CSNK1G1: variants seen among roughly 807,000 people sequenced by gnomAD.
CSNK1G1 encodes casein kinase I isoform gamma-1.
In CSNK1G1, 22 loss-of-function variants were observed where a neutral mutation model predicts 59.6. That is an observed-to-expected ratio of 0.37 (90% CI 0.26 to 0.53). The LOEUF (loss-of-function observed/expected upper bound fraction) is 0.53. Among genes scored for constraint, CSNK1G1 ranks in the 20% least tolerant of loss-of-function variants. CSNK1G1 has a pLI of 0.89. For synonymous variants in CSNK1G1, 179 were observed against 177.1 expected (o/e 1.01, Z -0.08); for missense variants, 384 against 519.5 (o/e 0.74, Z 2.54).
intron 2 of CSNK1G1, among the ~76,000 whole-genome samples, chr15:64,277,655 A>G (rs1168183251): frequency 1.6e-5 from 2 of 124,072 alleles, no homozygotes; most frequent in South Asian, 2.5e-4. Flanking sequence ...TTAATAATAT[A>G]GCAATATTGA....
intron 10 of CSNK1G1, chr15:64,189,376 C>A: frequency 7.9e-7 from 1 of 1,264,104 alleles, no homozygotes; most frequent in Non-Finnish European, 1.0e-6. Context: ...TGATCTTGCT[C>A]ATATGTGACT....
intron 1 of CSNK1G1, among the ~76,000 whole-genome samples, chr15:64,347,477 ATGCTGGCTTGCACCTGT>A (rs1276506615): frequency 6.6e-6 from 1 of 151,748 alleles, no homozygotes; most frequent in Admixed American, 6.6e-5. Context: ...CCAACTGGGT[ATGCTGGCTTGCACCTGT>A]AGTCCAAGCT....
chr15:64,210,297 A>G lies in CSNK1G1; in HGVS notation c.680-2703T>C, dbSNP rs1046553107. ...TGTTCAATCTGGGGAGAATTTGAAA[A>G]GTCATTTTCCAGCTCTAAAATTCTA... On this transcript the variant is annotated intron_variant, in intron 6 of 11. Transcript: ENST00000303052. This position sits in a 1 kb window ranked among gnomAD's most constrained non-coding sequence, Gnocchi z 4.2. Among the ~76,000 whole-genome samples the G allele has an allele frequency of 6.6e-6, 1 of 152,198 alleles. No homozygotes were observed. The highest frequency in any genetic ancestry group is 1.5e-5 in the Non-Finnish European group (1 of 68,034).
intron 1 of CSNK1G1, among the ~76,000 whole-genome samples, chr15:64,332,456 T>C (rs1430499050): frequency 2.4e-5 from 3 of 125,838 alleles, no homozygotes; most frequent in Non-Finnish European, 5.0e-5. Context: ...TTCTCACTCA[T>C]AGGTGGGAAT....
At chr15:64,177,013 A>G (rs1043360687) in intron 11 of CSNK1G1, among the ~76,000 whole-genome samples, 1 of 152,204 alleles carries the variant, frequency 6.6e-6, no homozygotes, top group Non-Finnish European at 1.5e-5. Flanking sequence ...ACAAAAATCA[A>G]CCAAAAAGCT....
intron 1 of CSNK1G1, among the ~76,000 whole-genome samples, chr15:64,306,717 A>C (rs1417426648): frequency 2.0e-5 from 3 of 152,334 alleles, no homozygotes. Context: ...TTGTCAAAAA[A>C]TGAAAACACT....
rs62024252 is a variant in CSNK1G1 at position 64,166,206 on chromosome 15, A to C, written c.*5725T>G. 17,257 of 451,972 alleles carry C rather than the reference A, an allele frequency of 0.038. 1,907 individuals carry two copies. The highest frequency in any genetic ancestry group is 0.27 in the African/African-American group (13,415 of 49,468). 28.0% of individuals were successfully genotyped at this position (451,972 alleles called of 1,614,324 possible). On this transcript the variant is annotated 3_prime_UTR_variant, in exon 12 of 12. Coordinates refer to ENST00000303052, the MANE Select transcript of CSNK1G1 (RefSeq NM_022048.5). This position sits in a 1 kb window ranked among gnomAD's most constrained non-coding sequence, Gnocchi z 4.5. Reference sequence around the variant, plus strand: ...TTTAAAAATCGCAATCAACATCCCAACATCTTTTTAAGAGTACAATGGGCA... The same window carrying C: ...TTTAAAAATCGCAATCAACATCCCACCATCTTTTTAAGAGTACAATGGGCA...
rs1318543341 is a variant in CSNK1G1, at chr15:64,216,565, C to T, written c.441G>A (p.Gln147=). ...TLKTVLMIAI[Q]LLSRMEYVHS... is the part of the protein sequence containing the mutation. ...TAGAAGAGCAATTCCAACTTACCAG[C>T]TGGATGGCTATCATTAACACCGTCT... The change falls in exon 5 of 12, where the codon CAG becomes CAA. Residue 147 remains glutamine, a synonymous_variant. Transcript: ENST00000303052. The surrounding 1 kb of genome is among the most constrained non-coding windows in gnomAD (Gnocchi z 4.6). 1.2e-6 allele frequency: 2 copies of T among 1,613,622 alleles called. No homozygotes were observed.
chr15:64,212,819 A>G (rs1181593810), intron 6 of CSNK1G1, among the ~76,000 whole-genome samples: 3 of 152,176 alleles, frequency 2.0e-5, no homozygotes, highest in Non-Finnish European at 4.4e-5. Flanking sequence ...CAGCCTGGCC[A>G]ACATGGTGAA....
intron 1 of CSNK1G1, among the ~76,000 whole-genome samples, chr15:64,311,084 C>G (rs760637688): frequency 5.9e-5 from 9 of 151,710 alleles, no homozygotes; most frequent in African/African-American, 2.2e-4. Context: ...AAGACAGTCT[C>G]GCTCTGTCAC....
chr15:64,218,936 C>A (rs1259131891), intron 4 of CSNK1G1, among the ~76,000 whole-genome samples: 1 of 150,734 alleles, frequency 6.6e-6, no homozygotes, highest in Non-Finnish European at 1.5e-5. Context: ...CTCACTGCAA[C>A]CTCCGCCTCC....
chr15:64,183,347 A>C (rs2042383395), intron 10 of CSNK1G1, among the ~76,000 whole-genome samples: 2 of 152,244 alleles, frequency 1.3e-5, no homozygotes, highest in Admixed American at 6.5e-5. Context: ...AATGAGACAT[A>C]AACAGAGCCT....
chr15:64,340,052 A>C (rs1897604828), intron 1 of CSNK1G1, among the ~76,000 whole-genome samples: 1 of 152,214 alleles, frequency 6.6e-6, no homozygotes, highest in East Asian at 1.9e-4. Context: ...GTGTTCTTTT[A>C]AATTTCCAAA....
Position 64,165,751 on chromosome 15 carries a change from CATTTT to C in CSNK1G1, c.*6175_*6179del, listed in dbSNP as rs1045561474. 1.5e-5 allele frequency: 5 copies of C among 331,438 alleles called. No homozygotes were observed. The highest frequency in any genetic ancestry group is 1.1e-4 in the African/African-American group (5 of 46,910). 20.5% of individuals were successfully genotyped at this position (331,438 alleles called of 1,614,324 possible). On this transcript the variant is annotated 3_prime_UTR_variant, in exon 12 of 12. Coordinates refer to ENST00000303052, the MANE Select transcript of CSNK1G1 (RefSeq NM_022048.5). ...GCAGAAGTAGCCAAGAAAGGTAAGACATTTTATTTTACATACAAAAAGGGTGCAAA... is the reference window on the plus strand; with the variant it reads ...GCAGAAGTAGCCAAGAAAGGTAAGACATTTTACATACAAAAAGGGTGCAAA...
intron 1 of CSNK1G1, among the ~76,000 whole-genome samples, chr15:64,341,655 T>C (rs2140476360): frequency 6.6e-6 from 1 of 152,238 alleles, no homozygotes; most frequent in South Asian, 2.1e-4. Flanking sequence ...TTTTATTTTT[T>C]ATAGAGACAG....
At chr15:64,282,345 C>T (rs997530492) in intron 2 of CSNK1G1, among the ~76,000 whole-genome samples, 2 of 152,088 alleles carry the variant, frequency 1.3e-5, no homozygotes, top group Non-Finnish European at 2.9e-5. Flanking sequence ...CAGCTCACTG[C>T]AACCTCAGCC....
At chr15:64,304,578 A>G (rs959372116) in intron 1 of CSNK1G1, among the ~76,000 whole-genome samples, 6 of 152,122 alleles carry the variant, frequency 3.9e-5, no homozygotes, top group Admixed American at 2.0e-4. Context: ...TTTGAACTCT[A>G]CTTAAATTCA....
intron 1 of CSNK1G1, among the ~76,000 whole-genome samples, chr15:64,333,449 A>AAAAC (rs1897224896): frequency 6.8e-6 from 1 of 146,500 alleles, no homozygotes; most frequent in African/African-American, 2.5e-5. Flanking sequence ...AAAAAAAAAA[A>AAAAC]AAAAAAAAAA....
At chr15:64,322,764 C>G (rs549659447) in intron 1 of CSNK1G1, among the ~76,000 whole-genome samples, 35 of 152,202 alleles carry the variant, frequency 2.3e-4, no homozygotes, top group African/African-American at 8.4e-4. Context: ...GTCCAGGAGG[C>G]AGAGCCTGGA....
Sources: allele counts gnomAD v4.1 joint callset (sites outside exome capture counted in the v4.1 genomes callset), GRCh38; gene constraint gnomAD v4.1.1; non-coding constraint Gnocchi (gnomAD v3.1); transcripts MANE v1.5; gene names NCBI Gene and HGNC (gene_info 2026-07-23, HGNC 2026-07-21).